TMEM229B: variants seen among roughly 807,000 people sequenced by gnomAD.
TMEM229B encodes transmembrane protein 229B.
A neutral mutation model predicts 13.7 loss-of-function variants in TMEM229B; 6 were observed. The observed-to-expected ratio is 0.44, with a 90% confidence interval of 0.24 to 0.86. The LOEUF (loss-of-function observed/expected upper bound fraction) is 0.86. Among genes scored for constraint, TMEM229B ranks in the 40% least tolerant of loss-of-function variants. The pLI is 0.23. For missense variants in TMEM229B, 170 were observed against 236.0 expected, an observed-to-expected ratio of 0.72 and a Z score of 1.83; for synonymous variants, 107 against 102.1, an observed-to-expected ratio of 1.05 and a Z score of -0.29.
chr14:67,526,439 T>C (rs1465704321), intron 1 of TMEM229B, among the ~76,000 whole-genome samples: 3 of 152,248 alleles, frequency 2.0e-5, no homozygotes, highest in African/African-American at 7.2e-5. Context: ...CTTTGCACAG[T>C]AGGAAAAGGT....
At chr14:67,519,491 C>A (rs1258565161), upstream of TMEM229B, among the ~76,000 whole-genome samples, 1 of 152,182 alleles carries the variant, frequency 6.6e-6, no homozygotes, top group Non-Finnish European at 1.5e-5. Context: ...AAGTTGAGTC[C>A]TGCATTCACC....
At chr14:67,481,322 G>C (rs1377534078) in intron 2 of TMEM229B, among the ~76,000 whole-genome samples, 1 of 152,120 alleles carries the variant, frequency 6.6e-6, no homozygotes, top group Non-Finnish European at 1.5e-5. Context: ...AAAGCGAGAT[G>C]GGGGAGAGAG....
chr14:67,520,944 G>T (rs1355403226), intron 1 of TMEM229B, among the ~76,000 whole-genome samples: 1 of 152,218 alleles, frequency 6.6e-6, no homozygotes, highest in African/African-American at 2.4e-5. Context: ...CAATGAATGG[G>T]AGTTCCTGTT....
intron 1 of TMEM229B, among the ~76,000 whole-genome samples, chr14:67,500,786 T>C (rs991488281): frequency 1.7e-4 from 26 of 151,826 alleles, no homozygotes; most frequent in Non-Finnish European, 2.4e-4. Flanking sequence ...TTAGCCAGGA[T>C]GGTCTCGATC....
rs1441877279 is a variant in TMEM229B, at chr14:67,473,409, C to T, written c.*11G>A. On this transcript the variant is annotated 3_prime_UTR_variant, in exon 3 of 3. Coordinates refer to ENST00000554480, the MANE Select transcript of TMEM229B (RefSeq NM_001348543.2). The surrounding 1 kb of genome is among the most constrained non-coding windows in gnomAD (Gnocchi z 6.5). The stretch of plus-strand genomic sequence containing the variant: ...CATGAGAGATCCCCAGGCCCCCCAC[C>T]CGCTTCCTGCTCAGTCAGTCTTGAC... 1 of 1,611,244 alleles carries T rather than the reference C, an allele frequency of 6.2e-7. No homozygotes were observed.
intron 1 of TMEM229B, among the ~76,000 whole-genome samples, chr14:67,493,880 CTT>C (rs1349504356): frequency 1.3e-5 from 2 of 151,540 alleles, no homozygotes; most frequent in Non-Finnish European, 2.9e-5. Flanking sequence ...ATGTAATAAA[CTT>C]ATTTATTTAT....
chr14:67,528,714 C>A (rs2033403745), intron 1 of TMEM229B, among the ~76,000 whole-genome samples: 1 of 152,152 alleles, frequency 6.6e-6, no homozygotes. Flanking sequence ...GCCCGTATAA[C>A]CCGCAGCTGC....
intron 1 of TMEM229B, among the ~76,000 whole-genome samples, chr14:67,514,423 A>T (rs1332899481): frequency 6.6e-6 from 1 of 152,134 alleles, no homozygotes. Context: ...AGGACCAGAG[A>T]TCAGGGAGGG....
intron 2 of TMEM229B, among the ~76,000 whole-genome samples, chr14:67,482,994 G>A (rs2031674460): frequency 6.6e-6 from 1 of 152,134 alleles, no homozygotes; most frequent in Non-Finnish European, 1.5e-5. Context: ...GGCAGAAAGA[G>A]GCTACGTTCT....
chr14:67,520,707 C>T (rs1182474365), intron 1 of TMEM229B, among the ~76,000 whole-genome samples: 1 of 151,544 alleles, frequency 6.6e-6, no homozygotes, highest in Non-Finnish European at 1.5e-5. Flanking sequence ...AGTTTATTTA[C>T]CCATCACCTA....
At chr14:67,514,962 G>GTCGCCCA (rs2033153571) in intron 1 of TMEM229B, 1 of 135,420 alleles carries the variant, frequency 7.4e-6, no homozygotes, top group Non-Finnish European at 1.7e-5. Flanking sequence ...CCCCAAGTCC[G>GTCGCCCA]GTCGCCCAGT....
chr14:67,492,936 A>C (rs2032226747), upstream of TMEM229B, among the ~76,000 whole-genome samples: 1 of 152,206 alleles, frequency 6.6e-6, no homozygotes, highest in South Asian at 2.1e-4. Flanking sequence ...ATAAGTTTTA[A>C]TATTATGCCA....
At chr14:67,504,748 G>T (rs1478662454) in intron 1 of TMEM229B, among the ~76,000 whole-genome samples, 1 of 152,120 alleles carries the variant, frequency 6.6e-6, no homozygotes, top group Non-Finnish European at 1.5e-5. Flanking sequence ...ATCTGGGCGT[G>T]GTGGCGGGTG....
chr14:67,524,767 A>G (rs187871066), intron 1 of TMEM229B, among the ~76,000 whole-genome samples: 26 of 152,308 alleles, frequency 1.7e-4, no homozygotes, highest in Non-Finnish European at 3.1e-4. Flanking sequence ...TTGTGGTCAC[A>G]GTGTAATTGC....
chr14:67,477,905 C>A (rs911266636), intron 2 of TMEM229B, among the ~76,000 whole-genome samples: 11 of 152,222 alleles, frequency 7.2e-5, no homozygotes, highest in African/African-American at 1.9e-4. Flanking sequence ...GCTTCCTCTG[C>A]CACATCCCCA....
At chr14:67,499,874 C>T (rs1257107672) in intron 1 of TMEM229B, among the ~76,000 whole-genome samples, 4 of 151,922 alleles carry the variant, frequency 2.6e-5, no homozygotes, top group East Asian at 1.9e-4. Flanking sequence ...CTTCAATTGA[C>T]GGGATAGCTT....
At chr14:67,512,179 C>T (rs886133846) in intron 1 of TMEM229B, among the ~76,000 whole-genome samples, 3 of 152,222 alleles carry the variant, frequency 2.0e-5, no homozygotes, top group African/African-American at 7.2e-5. Context: ...TGCATTCTCA[C>T]ACACCACAGC....
intron 1 of TMEM229B, among the ~76,000 whole-genome samples, chr14:67,495,568 C>T (rs373711418): frequency 1.3e-5 from 2 of 151,850 alleles, no homozygotes; most frequent in Admixed American, 1.3e-4. Flanking sequence ...GTGCAACCTC[C>T]GCCTCCCAGA....
upstream of TMEM229B, among the ~76,000 whole-genome samples, chr14:67,490,901 G>A (rs1371080196): frequency 6.6e-6 from 1 of 152,100 alleles, no homozygotes; most frequent in Non-Finnish European, 1.5e-5. Flanking sequence ...GCGTGGAGGG[G>A]GGCAGATATG....
Sources: allele counts gnomAD v4.1 joint callset (sites outside exome capture counted in the v4.1 genomes callset), GRCh38; gene constraint gnomAD v4.1.1; non-coding constraint Gnocchi (gnomAD v3.1); transcripts MANE v1.5; gene names NCBI Gene and HGNC (gene_info 2026-07-23, HGNC 2026-07-21).